Variants in TMEM74 observed in about 807,000 individuals in gnomAD.
The protein encoded by TMEM74 is transmembrane protein 74.
Under a neutral mutation model 18.1 loss-of-function variants are expected in TMEM74, and 13 were observed. The observed-to-expected ratio is 0.72, with a 90% CI of 0.47 to 1.14. The LOEUF (loss-of-function observed/expected upper bound fraction) is 1.14, where lower values mean the gene tolerates loss of function less well. Ranked by LOEUF, TMEM74 falls within the 50% of genes most tolerant of loss-of-function variation. TMEM74 has a pLI of 0.00. For missense variants in TMEM74, 372 were observed against 375.9 expected (o/e 0.99, Z 0.09); for synonymous variants, 159 against 146.6 (o/e 1.08, Z -0.61).
chr8:108,712,470 C>T (rs1452906784), intron 1 of TMEM74, among the ~76,000 whole-genome samples: 2 of 152,016 alleles, frequency 1.3e-5, no homozygotes, highest in African/African-American at 2.4e-5. Flanking sequence ...CAAGTGAAGC[C>T]CTTCCCATGC....
At chr8:108,630,691 A>C (rs1260233094) in intron 2 of TMEM74, among the ~76,000 whole-genome samples, 1 of 152,110 alleles carries the variant, frequency 6.6e-6, no homozygotes, top group Non-Finnish European at 1.5e-5. Context: ...GGAGGACTAC[A>C]TGGAAATAGT....
intron 2 of TMEM74, among the ~76,000 whole-genome samples, chr8:108,627,107 A>G (rs1282547179): frequency 6.6e-6 from 1 of 152,042 alleles, no homozygotes. Context: ...AGTACAATCA[A>G]TGTGCAAATT....
At chr8:108,608,491 C>A (rs553237626) in intron 3 of TMEM74, among the ~76,000 whole-genome samples, 14 of 152,070 alleles carry the variant, frequency 9.2e-5, no homozygotes, top group Non-Finnish European at 1.6e-4. Context: ...GGCAATAATA[C>A]CTGGCACATA....
Position 108,677,293 on chromosome 8 carries a change from T to TA in TMEM74, n.120-21857dup, listed in dbSNP as rs548399593. ...TTAGTTACTTAAATCTAGATTTTTG[T>TA]AAAATTGTAATTAATTAAACAAATG... On this transcript the variant is annotated intron_variant and non_coding_transcript_variant, in intron 1 of 3. Transcript: ENST00000518838. Among the ~76,000 whole-genome samples, 635 of 152,308 alleles carry TA rather than the reference T, an allele frequency of 4.2e-3. 5 individuals carry two copies. The highest frequency in any genetic ancestry group is 6.9e-3 in the Non-Finnish European group (472 of 68,036).
chr8:108,707,383 A>T (rs1813427233), intron 1 of TMEM74, among the ~76,000 whole-genome samples: 1 of 152,080 alleles, frequency 6.6e-6, no homozygotes, highest in African/African-American at 2.4e-5. Flanking sequence ...CTTCCAAATT[A>T]CTTGGATTGG....
intron 1 of TMEM74, among the ~76,000 whole-genome samples, chr8:108,690,400 G>A (rs994073227): frequency 1.3e-5 from 2 of 149,942 alleles, no homozygotes; most frequent in African/African-American, 4.9e-5. Flanking sequence ...TTTTTTTTTA[G>A]TCCCCCAGTG....
intron 1 of TMEM74, among the ~76,000 whole-genome samples, chr8:108,751,119 T>G (rs1419378563): frequency 1.3e-5 from 2 of 152,098 alleles, no homozygotes; most frequent in Non-Finnish European, 2.9e-5. Context: ...ATAATCCACT[T>G]TGGGGACAGA....
chr8:108,697,420 T>C (rs755659142), intron 1 of TMEM74, among the ~76,000 whole-genome samples: 14 of 152,146 alleles, frequency 9.2e-5, no homozygotes, highest in Non-Finnish European at 1.9e-4. Context: ...AACATTTATT[T>C]TATTTTATGT....
chr8:108,755,946 A>G (rs940921179), intron 1 of TMEM74, among the ~76,000 whole-genome samples: 1 of 152,034 alleles, frequency 6.6e-6, no homozygotes, highest in Non-Finnish European at 1.5e-5. Context: ...AATGGGGGGA[A>G]TGGGGAGTAC....
At chr8:108,714,060 G>A (rs145634685) in intron 1 of TMEM74, among the ~76,000 whole-genome samples, 4 of 152,222 alleles carry the variant, frequency 2.6e-5, no homozygotes, top group African/African-American at 9.6e-5. Context: ...GCAGATTAAC[G>A]ACACCTTCCC....
At chr8:108,626,370 T>C (rs1293291132) in intron 2 of TMEM74, among the ~76,000 whole-genome samples, 1 of 152,084 alleles carries the variant, frequency 6.6e-6, no homozygotes, top group Non-Finnish European at 1.5e-5. Flanking sequence ...AGATTTAATA[T>C]CATTTTGTTG....
At chr8:108,648,912 C>A (rs578010374) in intron 2 of TMEM74, among the ~76,000 whole-genome samples, 1 of 151,866 alleles carries the variant, frequency 6.6e-6, no homozygotes, top group Non-Finnish European at 1.5e-5. Context: ...ACACAGGAAC[C>A]GCTAAACAAT....
At chr8:108,694,423 A>G (rs1449155568) in intron 1 of TMEM74, among the ~76,000 whole-genome samples, 1 of 152,238 alleles carries the variant, frequency 6.6e-6, no homozygotes, top group Non-Finnish European at 1.5e-5. Context: ...AAAAACCCAG[A>G]TACAAAAGGT....
intron 1 of TMEM74, among the ~76,000 whole-genome samples, chr8:108,748,415 G>T (rs1563541554): frequency 2.0e-5 from 3 of 150,346 alleles, no homozygotes; most frequent in African/African-American, 4.9e-5. Flanking sequence ...TGGGGTTGTT[G>T]TTTTTTTTTC....
chr8:108,691,046 G>C (rs1813222511), intron 1 of TMEM74, among the ~76,000 whole-genome samples: 1 of 152,170 alleles, frequency 6.6e-6, no homozygotes, highest in Non-Finnish European at 1.5e-5. Context: ...CAAACAGACT[G>C]GTCTAGAGCT....
chr8:108,707,799 A>G (rs1421270986), intron 1 of TMEM74, among the ~76,000 whole-genome samples: 1 of 152,196 alleles, frequency 6.6e-6, no homozygotes. Flanking sequence ...CTTCTTGGAT[A>G]TGACACCAAA....
intron 1 of TMEM74, among the ~76,000 whole-genome samples, chr8:108,751,114 C>A (rs1813900406): frequency 6.6e-6 from 1 of 152,110 alleles, no homozygotes; most frequent in Non-Finnish European, 1.5e-5. Context: ...AAAAAATAAT[C>A]CACTTTGGGG....
At chr8:108,774,122 G>T (rs1044821339), downstream of TMEM74, among the ~76,000 whole-genome samples, 1 of 152,108 alleles carries the variant, frequency 6.6e-6, no homozygotes, top group African/African-American at 2.4e-5. Flanking sequence ...TAGAAATGAA[G>T]AAAATAGTAG....
intron 2 of TMEM74, among the ~76,000 whole-genome samples, chr8:108,645,089 A>G (rs117892862): frequency 0.011 from 1,743 of 152,232 alleles, 21 homozygotes; most frequent in Middle Eastern, 0.058. Flanking sequence ...AATAGCAAAG[A>G]CTTGGAATCA....
Sources: allele counts gnomAD v4.1 joint callset (sites outside exome capture counted in the v4.1 genomes callset), GRCh38; gene constraint gnomAD v4.1.1; transcripts MANE v1.5; gene names NCBI Gene and HGNC (gene_info 2026-07-23, HGNC 2026-07-21).